DNAH12: variants seen among roughly 807,000 people sequenced by gnomAD.
The protein encoded by DNAH12 is axonemal beta dynein heavy chain 12.
A neutral mutation model predicts 371.5 loss-of-function variants in DNAH12; 285 were observed. The observed-to-expected ratio is 0.77, with a 90% CI of 0.70 to 0.85. The LOEUF (loss-of-function observed/expected upper bound fraction) is 0.85, where lower values mean the gene tolerates loss of function less well. Ranked by LOEUF, DNAH12 falls within the 40% of genes least tolerant of loss-of-function variation. The pLI is 0.00. For missense variants in DNAH12, 3,611 were observed against 3,689.4 expected, an observed-to-expected ratio of 0.98 and a Z score of 0.55; for synonymous variants, 1,200 against 1,213.0, an observed-to-expected ratio of 0.99 and a Z score of 0.22.
At chr3:57,504,956 C>T (rs1220327474) in intron 8 of DNAH12, among the ~76,000 whole-genome samples, 12 of 151,000 alleles carry the variant, frequency 7.9e-5, no homozygotes, top group South Asian at 2.1e-4. Context: ...GGCAAGACCT[C>T]GATTCACTGC....
At chr3:57,402,991 T>G (rs540468921) in intron 43 of DNAH12, among the ~76,000 whole-genome samples, 1 of 152,306 alleles carries the variant, frequency 6.6e-6, no homozygotes, top group Admixed American at 6.5e-5. Context: ...GGTAATAGTG[T>G]AGTGGATAAG....
chr3:57,433,011 T>C (rs1418612237), intron 32 of DNAH12, among the ~76,000 whole-genome samples: 1 of 152,174 alleles, frequency 6.6e-6, no homozygotes, highest in Non-Finnish European at 1.5e-5. Flanking sequence ...CGCTGAAGCA[T>C]TCCATGTTTT....
chr3:57,429,179 ATT>A (rs138125857), intron 33 of DNAH12, among the ~76,000 whole-genome samples: 94,225 of 147,418 alleles, frequency 0.64, 30,031 homozygotes, highest in South Asian at 0.77. Flanking sequence ...CTCTCCACAC[ATT>A]TTTTTTTTTT....
upstream of DNAH12, among the ~76,000 whole-genome samples, chr3:57,546,750 G>A (rs985788621): frequency 1.5e-4 from 23 of 152,208 alleles, no homozygotes; most frequent in African/African-American, 4.8e-4. Flanking sequence ...ACTAATCTAG[G>A]GCTGCTGTGA....
chr3:57,323,092 A>G lies in DNAH12; in HGVS notation c.10298T>C (p.Met3433Thr), dbSNP rs751576473. ...NCHLAVSWMP[M>T]LEKICEDFTS... Reference sequence around the variant, plus strand: ...AAAATCTTCACATATTTTTTCCAACATGGGCATCCAGGACACTGCAAGATG... The same window carrying G: ...AAAATCTTCACATATTTTTTCCAACGTGGGCATCCAGGACACTGCAAGATG... Residue 3433 changes from methionine (M) to threonine (T), a missense_variant, in exon 64 of 74, where the codon ATG becomes ACG. Coordinates refer to ENST00000495027, the MANE Select transcript of DNAH12 (RefSeq NM_001366028.2). 8 of 1,552,442 alleles carry G rather than the reference A, an allele frequency of 5.2e-6. No individual in the cohort carries two copies. The highest frequency in any genetic ancestry group is 7.0e-6 in the Non-Finnish European group (8 of 1,147,154).
At position 57,530,802 on chromosome 3, in the gene DNAH12, G is replaced by A. The variant is rs1003357901; in HGVS notation, c.171-6918C>T. ...GAAATTCCCCACATCCAGCCTCAAG[G>A]TACAGTATTTCTTGTTACGTCCCTG... On this transcript the variant is annotated intron_variant, in intron 2 of 73. Transcript: ENST00000495027. 27 of 212,946 alleles carry A rather than the reference G, an allele frequency of 1.3e-4. 1 individual carries two copies. The highest frequency in any genetic ancestry group is 1.9e-5 in the Non-Finnish European group (2 of 102,962). The allele number at this position is 212,946 out of a possible 1,614,324, so 13.2% of individuals were successfully genotyped here.
At position 57,426,620 on chromosome 3, in the gene DNAH12, A is replaced by T. The variant is rs553541353; in HGVS notation, c.5254-1479T>A. Among the ~76,000 whole-genome samples the T allele has an allele frequency of 1.2e-4, 19 of 152,118 alleles. No individual in the cohort carries two copies. In the South Asian group the frequency reaches 4.0e-3, roughly 32 times the overall value. ...CGAGGTGGGCAGATTGCTTGAGGCC[A>T]AGAGTTAGAGACCAGCCTGGCCAAC... On this transcript the variant is annotated intron_variant, in intron 34 of 73. Transcript: ENST00000495027.
chr3:57,346,522 A>G (rs1365514721), intron 60 of DNAH12, among the ~76,000 whole-genome samples: 2 of 139,484 alleles, frequency 1.4e-5, no homozygotes, highest in East Asian at 4.3e-4. Context: ...ACAGAAAAAT[A>G]GAAGAGGAAA....
chr3:57,334,225 T>C (rs1294756698), intron 62 of DNAH12, among the ~76,000 whole-genome samples: 3 of 152,214 alleles, frequency 2.0e-5, no homozygotes, highest in African/African-American at 7.2e-5. Context: ...TTAGGCAATC[T>C]AATATATGTG....
At chr3:57,356,232 AG>A (rs1326003963) in intron 59 of DNAH12, among the ~76,000 whole-genome samples, 1 of 152,194 alleles carries the variant, frequency 6.6e-6, no homozygotes, top group East Asian at 1.9e-4. Context: ...TCTTGAGTCC[AG>A]GAGTTCGAGA....
At chr3:57,337,844 G>A (rs2062265578) in intron 60 of DNAH12, among the ~76,000 whole-genome samples, 1 of 152,100 alleles carries the variant, frequency 6.6e-6, no homozygotes, top group Non-Finnish European at 1.5e-5. Flanking sequence ...CAAAGAAACT[G>A]CAAATTTAAA....
At chr3:57,485,085 A>G (rs1411471090) in intron 12 of DNAH12, among the ~76,000 whole-genome samples, 1 of 152,222 alleles carries the variant, frequency 6.6e-6, no homozygotes, top group African/African-American at 2.4e-5. Context: ...TGCTTGTGAG[A>G]ATGTAAATTA....
the DNAH12 span, among the ~76,000 whole-genome samples, chr3:57,552,257 A>G: frequency 2.0e-5 from 3 of 151,472 alleles, no homozygotes; most frequent in African/African-American, 7.3e-5. Context: ...AAAAAAAAAA[A>G]AGAGATGGGG....
At position 57,450,452 on chromosome 3, in the gene DNAH12, G is replaced by A. The variant is rs909691588; in HGVS notation, c.3786+2391C>T. ...AATCCCAGCTACTTGGGAGGCTGAG[G>A]CAGGAGAATCGCTTGAAGCAGGGAG... is the stretch of plus-strand genomic sequence containing the variant. On this transcript the variant is annotated intron_variant, in intron 25 of 73. Coordinates refer to ENST00000495027, the MANE Select transcript of DNAH12 (RefSeq NM_001366028.2). Among the ~76,000 whole-genome samples the A allele has an allele frequency of 4.3e-4, 66 of 152,152 alleles. 1 individual carries two copies. The highest frequency in any genetic ancestry group is 1.3e-4 in the Admixed American group (2 of 15,284).
intron 12 of DNAH12, among the ~76,000 whole-genome samples, chr3:57,485,527 G>A (rs112617313): frequency 3.3e-5 from 5 of 151,490 alleles, no homozygotes; most frequent in African/African-American, 7.3e-5. Flanking sequence ...TCAGCCTCCC[G>A]AGTAGCTGGG....
At chr3:57,481,824 G>A (rs1410668004) in intron 13 of DNAH12, among the ~76,000 whole-genome samples, 1 of 151,812 alleles carries the variant, frequency 6.6e-6, no homozygotes, top group Admixed American at 6.6e-5. Flanking sequence ...ATGGGGAAAG[G>A]ATTCCCTATT....
intron 60 of DNAH12, among the ~76,000 whole-genome samples, chr3:57,349,588 A>T (rs2062623730): frequency 6.6e-6 from 1 of 152,242 alleles, no homozygotes; most frequent in Non-Finnish European, 1.5e-5. Context: ...CAACAAGTGG[A>T]TAAAGAAAAT....
At chr3:57,539,708 G>A (rs1218715004) in intron 2 of DNAH12, among the ~76,000 whole-genome samples, 1 of 149,698 alleles carries the variant, frequency 6.7e-6, no homozygotes, top group East Asian at 2.0e-4. Flanking sequence ...CCGCCTCCCA[G>A]GTTCAAGTGT....
At chr3:57,551,547 G>A in the DNAH12 span, among the ~76,000 whole-genome samples, 1 of 152,164 alleles carries the variant, frequency 6.6e-6, no homozygotes, top group Non-Finnish European at 1.5e-5. Context: ...TGGGATTACA[G>A]GCATTAGCCA....
Sources: allele counts gnomAD v4.1 joint callset (sites outside exome capture counted in the v4.1 genomes callset), GRCh38; gene constraint gnomAD v4.1.1; transcripts MANE v1.5; gene names NCBI Gene and HGNC (gene_info 2026-07-23, HGNC 2026-07-21).